The following BCKDHB variants were observed in gnomAD, a reference collection of about 807,000 sequenced individuals.
The protein encoded by BCKDHB is 2-oxoisovalerate dehydrogenase subunit beta, mitochondrial.
A neutral mutation model predicts 48.5 loss-of-function variants in BCKDHB; 41 were observed. That is an observed-to-expected ratio of 0.85 (90% confidence interval 0.66 to 1.10). BCKDHB has a LOEUF of 1.10. Ranked by LOEUF, BCKDHB falls within the 50% of genes least tolerant of loss-of-function variation. The pLI is 0.00. For synonymous variants in BCKDHB, 201 were observed against 174.8 expected, an observed-to-expected ratio of 1.15 and a Z score of -1.18; for missense variants, 496 against 494.2, an observed-to-expected ratio of 1.00 and a Z score of -0.03.
intron 3 of BCKDHB, among the ~76,000 whole-genome samples, chr6:80,139,173 G>A (rs949890255): frequency 8.5e-5 from 13 of 152,088 alleles, no homozygotes; most frequent in Non-Finnish European, 1.0e-4. Flanking sequence ...TTGTAAATTT[G>A]TTTGAGTTCA....
chr6:80,298,906 CT>C (rs1369787796), intron 9 of BCKDHB, among the ~76,000 whole-genome samples: 1 of 152,136 alleles, frequency 6.6e-6, no homozygotes, highest in Non-Finnish European at 1.5e-5. Flanking sequence ...AAGTTTCCCC[CT>C]TTAGGGAGAG....
chr6:80,372,614 G>A, the BCKDHB span, among the ~76,000 whole-genome samples: 1 of 152,028 alleles, frequency 6.6e-6, no homozygotes, highest in East Asian at 1.9e-4. Flanking sequence ...TTTCCTCAAT[G>A]TGTGTCCCTT....
At chr6:80,274,352 AT>A (rs1385575145) in intron 9 of BCKDHB, among the ~76,000 whole-genome samples, 1 of 151,954 alleles carries the variant, frequency 6.6e-6, no homozygotes, top group Non-Finnish European at 1.5e-5. Flanking sequence ...AGTTTTGTAG[AT>A]TTATTGTTTT....
intron 9 of BCKDHB, among the ~76,000 whole-genome samples, chr6:80,342,972 G>C (rs184870169): frequency 2.0e-5 from 3 of 152,202 alleles, no homozygotes; most frequent in African/African-American, 7.2e-5. Flanking sequence ...TGCCGAGTTC[G>C]GTGCTTTGGG....
the BCKDHB span, among the ~76,000 whole-genome samples, chr6:80,448,447 T>G: frequency 2.6e-5 from 4 of 151,928 alleles, no homozygotes; most frequent in Non-Finnish European, 4.4e-5. Flanking sequence ...AATCAGGAGG[T>G]TGCTCAGTAC....
At chr6:80,385,428 G>T in the BCKDHB span, among the ~76,000 whole-genome samples, 1 of 152,194 alleles carries the variant, frequency 6.6e-6, no homozygotes, top group African/African-American at 2.4e-5. Context: ...GCGGATGTGT[G>T]GGAGGACCCT....
intron 8 of BCKDHB, among the ~76,000 whole-genome samples, chr6:80,255,526 GA>G (rs1345064973): frequency 7.2e-5 from 11 of 152,136 alleles, no homozygotes; most frequent in African/African-American, 2.7e-4. Flanking sequence ...AAAAAATTCG[GA>G]TCACCGCTAA....
At chr6:80,370,417 A>G in the BCKDHB span, among the ~76,000 whole-genome samples, 6 of 152,030 alleles carry the variant, frequency 3.9e-5, no homozygotes, top group African/African-American at 1.4e-4. Flanking sequence ...GTTTGTTTCA[A>G]TAGGGTTTTG....
chr6:80,291,252 A>G (rs926405462), intron 9 of BCKDHB, among the ~76,000 whole-genome samples: 1 of 152,180 alleles, frequency 6.6e-6, no homozygotes, highest in Non-Finnish European at 1.5e-5. Context: ...GATGAAGATC[A>G]ATCTTCTGTA....
At chr6:80,442,841 T>C in the BCKDHB span, among the ~76,000 whole-genome samples, 1 of 152,184 alleles carries the variant, frequency 6.6e-6, no homozygotes, top group African/African-American at 2.4e-5. Flanking sequence ...GGTAGATCCA[T>C]ATTACAAATA....
chr6:80,164,804 T>C (rs1772491856), intron 3 of BCKDHB, among the ~76,000 whole-genome samples: 1 of 152,196 alleles, frequency 6.6e-6, no homozygotes, highest in East Asian at 1.9e-4. Flanking sequence ...TTTTTTCATC[T>C]ATCAGGACAC....
rs1770167107 is a variant in BCKDHB at position 80,345,707 on chromosome 6, T to C, written c.*1903T>C. 1.3e-5 allele frequency: 2 copies of C among 152,224 alleles called. No individual in the cohort carries two copies. The highest frequency in any genetic ancestry group is 1.3e-4 in the Admixed American group (2 of 15,292). The allele number at this position is 152,224 out of a possible 1,614,324, so 9.4% of individuals were successfully genotyped here. Reference sequence around the variant, plus strand: ...GGTTAGAGGACTCCTTCACTTTTGTTGTCCATGTGGTTCCCTTCCGTGGAC... The same window carrying C: ...GGTTAGAGGACTCCTTCACTTTTGTCGTCCATGTGGTTCCCTTCCGTGGAC... On this transcript the variant is annotated 3_prime_UTR_variant, in exon 10 of 10. Coordinates refer to ENST00000320393, the MANE Select transcript of BCKDHB (RefSeq NM_183050.4).
chr6:80,270,793 G>A lies in BCKDHB; in HGVS notation c.952-2342G>A, dbSNP rs185245301. On this transcript the variant is annotated intron_variant, in intron 8 of 9. Transcript: ENST00000320393. ...TGGGATGGGAAGACTGGCTCCCTGC[G>A]TTGTTAGTGTGCCTGTTTGCTGCTG... Among the ~76,000 whole-genome samples the A allele has an allele frequency of 1.4e-3, 206 of 152,170 alleles. 1 individual carries two copies. The highest frequency in any genetic ancestry group is 3.4e-3 in the Middle Eastern group (1 of 294).
intron 9 of BCKDHB, among the ~76,000 whole-genome samples, chr6:80,341,245 C>T (rs1294763951): frequency 6.6e-6 from 1 of 152,056 alleles, no homozygotes; most frequent in Non-Finnish European, 1.5e-5. Context: ...TAAGGAAGCC[C>T]TATGTGTAAA....
intron 9 of BCKDHB, among the ~76,000 whole-genome samples, chr6:80,317,814 C>T (rs1768526324): frequency 6.6e-6 from 1 of 152,144 alleles, no homozygotes. Flanking sequence ...ACAGTGGGCC[C>T]AGGATATAGT....
chr6:80,295,993 G>A (rs1197616278), intron 9 of BCKDHB, among the ~76,000 whole-genome samples: 1 of 152,138 alleles, frequency 6.6e-6, no homozygotes, highest in Non-Finnish European at 1.5e-5. Flanking sequence ...TACCTCAAAA[G>A]TTTCCTTGAT....
intron 2 of BCKDHB, among the ~76,000 whole-genome samples, chr6:80,128,076 T>G (rs1455428997): frequency 6.6e-6 from 1 of 151,950 alleles, no homozygotes; most frequent in African/African-American, 2.4e-5. Context: ...TTCATCTTAT[T>G]AAATCATTGA....
the BCKDHB span, among the ~76,000 whole-genome samples, chr6:80,450,791 G>A: frequency 6.6e-6 from 1 of 152,094 alleles, no homozygotes; most frequent in Non-Finnish European, 1.5e-5. Context: ...CAGGCCCAGT[G>A]GGATTCCAAA....
intron 1 of BCKDHB, among the ~76,000 whole-genome samples, chr6:80,110,810 A>C (rs983852125): frequency 6.6e-6 from 1 of 152,168 alleles, no homozygotes; most frequent in Non-Finnish European, 1.5e-5. Context: ...CTTCCAGCTT[A>C]ATTGGGTATT....
Sources: gnomAD v4.1 joint callset for allele counts (sites outside exome capture counted in the v4.1 genomes callset) on GRCh38, gnomAD v4.1.1 for gene constraint, MANE v1.5 for transcripts, NCBI Gene and HGNC (gene_info 2026-07-23, HGNC 2026-07-21) for gene names.